The following ITLN2 variants were observed in gnomAD, a reference collection of about 807,000 sequenced individuals.
ITLN2 encodes the protein intelectin-2.
A neutral mutation model predicts 39.4 loss-of-function variants in ITLN2; 29 were observed. The observed-to-expected ratio is 0.74, with a 90% CI of 0.55 to 1.00. ITLN2 has a LOEUF of 1.00. ITLN2 is among the 50% of genes least tolerant of loss of function. The probability of loss-of-function intolerance (pLI) is 0.00; values close to 1 mark genes in which losing one functional copy is unlikely to be tolerated. For synonymous variants in ITLN2, 156 were observed against 153.4 expected (o/e 1.02, Z -0.12); for missense variants, 412 against 416.7 (o/e 0.99, Z 0.10).
chr1:160,948,065 A>G (rs765271330), intron 6 of ITLN2, 33 bp from the exon 7 acceptor site: 2 of 1,556,152 alleles, frequency 1.3e-6, no homozygotes, highest in South Asian at 2.2e-5. Context: ...ACAGCCAAGT[A>G]GTCAAAGGAT....
chr1:160,946,781 CA>C (rs928317749), intron 7 of ITLN2, among the ~76,000 whole-genome samples: 5 of 151,678 alleles, frequency 3.3e-5, no homozygotes, highest in African/African-American at 1.2e-4. Context: ...AAATTATATT[CA>C]TAAGACATCA....
Position 160,952,710 on chromosome 1 carries a change from G to T in ITLN2, c.103C>A (p.Leu35Ile). 1.9e-6 allele frequency: 3 copies of T among 1,613,810 alleles called. No individual in the cohort carries two copies. Among genetic ancestry groups the T allele is most frequent in the Non-Finnish European group, 2.5e-6 (3 of 1,179,804 alleles). The change falls in exon 3 of 8, where the codon CTC (leucine) becomes ATC (isoleucine). Residue 35 changes from leucine (L) to isoleucine (I), a missense_variant. Leu to Ile is a conservative substitution (Grantham distance 5, BLOSUM62 2). Coordinates refer to ENST00000368029, the MANE Select transcript of ITLN2 (RefSeq NM_080878.3). ...SAAAASSLEM[L>I]SREFETCAFS... ...GCACAGGTTTCGAATTCCCTCGAGA[G>T]CATCTCAAGAGAAGAGGCTGCTGCT...
At chr1:160,946,699 C>T (rs1413869252) in intron 7 of ITLN2, among the ~76,000 whole-genome samples, 2 of 145,542 alleles carry the variant, frequency 1.4e-5, no homozygotes, top group African/African-American at 2.6e-5. Flanking sequence ...GGTGACAGAG[C>T]GAGACTCTGT....
Position 160,947,941 on chromosome 1 carries a change from A to AC in ITLN2, c.812dup (p.Cys271TrpfsTer2), listed in dbSNP as rs761298131. 6.2e-7 allele frequency: 1 copy of AC among 1,613,208 alleles called. No individual in the cohort carries two copies. Among genetic ancestry groups the AC allele is most frequent in the Non-Finnish European group, 8.5e-7 (1 of 1,179,262 alleles). On this transcript the variant is annotated frameshift_variant, in exon 7 of 8. Transcript: ENST00000368029. LOFTEE classifies it high-confidence loss of function. The stretch of plus-strand genomic sequence containing the variant: ...CCCAAAAACTCACATGCTCAGTGTT[A>AC]CAGCCAGTAACTTTTATCCCAGCAC...
rs775971987 is a variant in ITLN2, at chr1:160,947,963, G to C, written c.791C>G (p.Ala264Gly). ...GTTACAGCCAGTAACTTTTATCCCA[G>C]CACAAAGGGCGTTGGCTGCTCTCTC... ...NNERAANALC[A>G]GIKVTGCNTE... The change falls in exon 7 of 8, where the codon GCT becomes GGT. Residue 264 changes from alanine (A) to glycine (G), a missense_variant. By Grantham distance (60) the Ala-to-Gly change is moderately conservative. Coordinates refer to ENST00000368029, the MANE Select transcript of ITLN2 (RefSeq NM_080878.3). 4.9e-5 allele frequency: 79 copies of C among 1,613,850 alleles called. No individual in the cohort carries two copies. The highest frequency in any genetic ancestry group is 6.2e-5 in the Non-Finnish European group (73 of 1,179,962).
chr1:160,947,717 A>G (rs1671638174), intron 7 of ITLN2, among the ~76,000 whole-genome samples: 1 of 152,218 alleles, frequency 6.6e-6, no homozygotes, highest in South Asian at 2.1e-4. Flanking sequence ...CCCTAAATCC[A>G]TTAAACTTTG....
intron 7 of ITLN2, among the ~76,000 whole-genome samples, chr1:160,946,020 T>C (rs1671592309): frequency 6.6e-6 from 1 of 152,112 alleles, no homozygotes; most frequent in African/African-American, 2.4e-5. Flanking sequence ...AAATAAATTA[T>C]ACTCAGCCGG....
intron 6 of ITLN2, chr1:160,949,202 C>T (rs1177264169): frequency 6.6e-6 from 1 of 152,146 alleles, no homozygotes; most frequent in Non-Finnish European, 1.5e-5. Flanking sequence ...GCATGTCTCA[C>T]CTCCAGCCCT....
At position 160,948,187 on chromosome 1, in the gene ITLN2, G is replaced by A. The variant is rs1671650748; in HGVS notation, c.722-155C>T. Reference sequence around the variant, plus strand: ...GTGCAGCCCAGTACCTTTATGGCCAGTGGCTGGTGCACGTCAGTCCTAAAC... The same window carrying A: ...GTGCAGCCCAGTACCTTTATGGCCAATGGCTGGTGCACGTCAGTCCTAAAC... On this transcript the variant is annotated intron_variant, in intron 6 of 7. Transcript: ENST00000368029. Among the ~76,000 whole-genome samples, 3 of 152,102 alleles carry A rather than the reference G, an allele frequency of 2.0e-5. No homozygotes were observed. In the South Asian group the frequency reaches 6.2e-4, roughly 32 times the overall value.
chr1:160,953,261 G>T (rs1352032091), intron 2 of ITLN2, among the ~76,000 whole-genome samples: 2 of 152,224 alleles, frequency 1.3e-5, no homozygotes, highest in African/African-American at 4.8e-5. Context: ...CTACAGGTCA[G>T]TCGCTTATTG....
intron 2 of ITLN2, among the ~76,000 whole-genome samples, chr1:160,953,540 T>A (rs1324388538): frequency 2.0e-5 from 3 of 152,038 alleles, no homozygotes; most frequent in Non-Finnish European, 4.4e-5. Context: ...TGAAACCCCA[T>A]CTCTACTAAA....
In ITLN2 at chr1:160,954,761, T is replaced by C. The variant is rs377409424; in HGVS notation, c.-20A>G. 3.1e-6 allele frequency: 5 copies of C among 1,613,774 alleles called. No homozygotes were observed. Among genetic ancestry groups the C allele is most frequent in the Non-Finnish European group, 4.2e-6 (5 of 1,179,808 alleles). On this transcript the variant is annotated 5_prime_UTR_variant, in exon 1 of 8. Transcript: ENST00000368029. ...CAGCATCCTTACAGATGCCAGGAGC[T>C]GATAGTTCCCTTCCTGTGGACACTC...
At chr1:160,950,264 C>T (rs1220543840) in intron 5 of ITLN2, 98 bp from the exon 6 acceptor site, 3 of 1,298,562 alleles carry the variant, frequency 2.3e-6, no homozygotes, top group Non-Finnish European at 3.3e-6. Flanking sequence ...TTACCCAAAA[C>T]CAATCCTCAT....
intron 7 of ITLN2, among the ~76,000 whole-genome samples, chr1:160,947,513 C>T (rs6427559): frequency 0.66 from 101,043 of 151,962 alleles, 33,752 homozygotes; most frequent in Middle Eastern, 0.77. Flanking sequence ...GGTCTTTCCT[C>T]TCCCATGAGG....
At chr1:160,947,587 G>C (rs1671635154) in intron 7 of ITLN2, among the ~76,000 whole-genome samples, 1 of 152,220 alleles carries the variant, frequency 6.6e-6, no homozygotes, top group Non-Finnish European at 1.5e-5. Context: ...CTTGGGCAGA[G>C]GTCCCTGCGG....
In ITLN2 at chr1:160,947,933, TCA is replaced by T. The variant is rs1276105991; in HGVS notation, c.819_820del (p.Glu274AlafsTer25). The T allele has an allele frequency of 6.2e-7, 1 of 1,611,814 alleles. No homozygotes were observed. Among genetic ancestry groups the T allele is most frequent in the Non-Finnish European group, 8.5e-7 (1 of 1,177,934 alleles). ...TTGATCTCCCCAAAAACTCACATGC[TCA>T]GTGTTACAGCCAGTAACTTTTATCC... On this transcript the variant is annotated frameshift_variant, in exon 7 of 8. Coordinates refer to ENST00000368029, the MANE Select transcript of ITLN2 (RefSeq NM_080878.3). LOFTEE classifies it high-confidence loss of function.
chr1:160,945,709 G>C (rs1021703373), intron 7 of ITLN2, among the ~76,000 whole-genome samples: 2 of 152,164 alleles, frequency 1.3e-5, no homozygotes, highest in Non-Finnish European at 2.9e-5. Context: ...GGAACCGTGA[G>C]TTCAGACTGT....
chr1:160,951,406 C>T, intron 3 of ITLN2, 116 bp from the exon 4 acceptor site: 1 of 1,358,404 alleles, frequency 7.4e-7, no homozygotes, highest in Non-Finnish European at 1.0e-6. Flanking sequence ...CCAACACATA[C>T]TTGCTGGAAG....
intron 3 of ITLN2, among the ~76,000 whole-genome samples, chr1:160,952,116 G>C (rs1338556360): frequency 6.6e-6 from 1 of 152,264 alleles, no homozygotes; most frequent in East Asian, 1.9e-4. Flanking sequence ...CACTTTTGCC[G>C]ATCTTGAACT....
Sources: gnomAD v4.1 joint callset for allele counts (sites outside exome capture counted in the v4.1 genomes callset) on GRCh38, gnomAD v4.1.1 for gene constraint, MANE v1.5 for transcripts, NCBI Gene and HGNC (gene_info 2026-07-23, HGNC 2026-07-21) for gene names.